RBFOX1: variants seen among roughly 807,000 people sequenced by gnomAD.
The protein encoded by RBFOX1 is RNA binding fox-1 homolog 1.
In RBFOX1, 8 loss-of-function variants were observed where a neutral mutation model predicts 57.7. That is an observed-to-expected ratio of 0.14 (90% CI 0.08 to 0.25). The LOEUF (loss-of-function observed/expected upper bound fraction) is 0.25, where lower values mean the gene tolerates loss of function less well. RBFOX1 is among the 10% of genes least tolerant of loss of function. The pLI, the probability that RBFOX1 is intolerant of heterozygous loss-of-function variation, is 1.00. For synonymous variants in RBFOX1, 326 were observed against 222.4 expected, an observed-to-expected ratio of 1.47 and a Z score of -4.15; for missense variants, 611 against 548.5, an observed-to-expected ratio of 1.11 and a Z score of -1.14.
chr16:7,701,242 G>A (rs1304131112), intron 14 of RBFOX1, among the ~76,000 whole-genome samples: 2 of 145,486 alleles, frequency 1.4e-5, no homozygotes, highest in South Asian at 2.1e-4. Context: ...TGGAGACTTT[G>A]CTGCATTTTT....
At chr16:6,457,446 C>G (rs199888827) in intron 2 of RBFOX1, among the ~76,000 whole-genome samples, 3 of 131,844 alleles carry the variant, frequency 2.3e-5, no homozygotes, top group Non-Finnish European at 5.0e-5. Context: ...AGTCCCCCCC[C>G]CCGCAATAGC....
intron 1 of RBFOX1, among the ~76,000 whole-genome samples, chr16:6,216,170 A>T (rs970347589): frequency 6.6e-6 from 1 of 152,162 alleles, no homozygotes; most frequent in Admixed American, 6.5e-5. Flanking sequence ...ATGAAAAATA[A>T]CTAATGGGTA....
At chr16:7,072,467 C>A (rs933274808) in intron 4 of RBFOX1, among the ~76,000 whole-genome samples, 2 of 152,148 alleles carry the variant, frequency 1.3e-5, no homozygotes, top group African/African-American at 4.8e-5. Flanking sequence ...TTGTTCTTAA[C>A]TCTACTCTCT....
chr16:6,719,528 C>T (rs1568342956), intron 3 of RBFOX1, among the ~76,000 whole-genome samples: 3 of 151,878 alleles, frequency 2.0e-5, no homozygotes, highest in South Asian at 4.2e-4. Flanking sequence ...GTTAGCTCCA[C>T]CTCCTGGGTT....
chr16:5,911,956 C>G (rs1460651163), intron 4 of RBFOX1, among the ~76,000 whole-genome samples: 2 of 152,122 alleles, frequency 1.3e-5, no homozygotes, highest in African/African-American at 2.4e-5. Flanking sequence ...AACATTCAGA[C>G]CTTAGTAGGC....
chr16:7,229,334 A>G (rs910001801), intron 4 of RBFOX1, among the ~76,000 whole-genome samples: 3 of 152,036 alleles, frequency 2.0e-5, no homozygotes, highest in Non-Finnish European at 2.9e-5. Context: ...ATGAAATGAA[A>G]CTGCTCGGCT....
At chr16:6,661,504 G>A (rs139193545) in intron 3 of RBFOX1, among the ~76,000 whole-genome samples, 2 of 152,196 alleles carry the variant, frequency 1.3e-5, no homozygotes, top group Non-Finnish European at 1.5e-5. Context: ...TCAATCCTCT[G>A]TCCCCACAGA....
chr16:7,488,772 G>A lies in RBFOX1; in HGVS notation c.28-29375G>A, dbSNP rs186395691. 1.3e-3 allele frequency among the ~76,000 whole-genome samples: 195 copies of A among 151,870 alleles called. 2 individuals carry two copies. Among genetic ancestry groups the A allele is most frequent in the Admixed American group, 4.3e-3 (65 of 15,260 alleles). The stretch of plus-strand genomic sequence containing the variant: ...TCTACCTATCACTTTATTTGTATAT[G>A]TATACATCTATCTATACATATCCAT... On this transcript the variant is annotated intron_variant, in intron 4 of 15. Coordinates refer to ENST00000550418, the MANE Select transcript of RBFOX1 (RefSeq NM_018723.4).
intron 4 of RBFOX1, among the ~76,000 whole-genome samples, chr16:5,969,298 CTTTTTTTTTTTTT>C (rs71142659): frequency 2.4e-4 from 20 of 83,750 alleles, no homozygotes; most frequent in South Asian, 5.1e-4. Context: ...TTCGGTTGTT[CTTTTTTTTTTTTT>C]TTTTTTTTTT....
intron 2 of RBFOX1, among the ~76,000 whole-genome samples, chr16:6,503,074 C>T (rs987163422): frequency 2.0e-5 from 3 of 152,070 alleles, no homozygotes; most frequent in African/African-American, 4.8e-5. Context: ...CATATGGATG[C>T]ATGGATATAT....
chr16:5,681,043 G>T (rs182217026), intron 3 of RBFOX1, among the ~76,000 whole-genome samples: 1 of 152,020 alleles, frequency 6.6e-6, no homozygotes, highest in East Asian at 1.9e-4. Context: ...TCTTAGATAA[G>T]ATGGCCAGAA....
chr16:7,358,488 T>G (rs976483845), intron 4 of RBFOX1, among the ~76,000 whole-genome samples: 1 of 152,210 alleles, frequency 6.6e-6, no homozygotes, highest in Non-Finnish European at 1.5e-5. Flanking sequence ...CGGCGCGATC[T>G]CAGCTCACTG....
At chr16:6,231,788 C>G (rs1384444105) in intron 1 of RBFOX1, among the ~76,000 whole-genome samples, 1 of 144,124 alleles carries the variant, frequency 6.9e-6, no homozygotes, top group Non-Finnish European at 1.5e-5. Flanking sequence ...ACAATGTTTT[C>G]TATGGCTTTT....
chr16:7,482,565 T>C (rs1470220936), intron 4 of RBFOX1, among the ~76,000 whole-genome samples: 1 of 146,330 alleles, frequency 6.8e-6, no homozygotes, highest in Non-Finnish European at 1.5e-5. Flanking sequence ...TTTTTTTTTT[T>C]TTTGGAAAGC....
intron 12 of RBFOX1, among the ~76,000 whole-genome samples, chr16:7,654,480 T>C (rs142930593): frequency 6.6e-6 from 1 of 152,334 alleles, no homozygotes; most frequent in Non-Finnish European, 1.5e-5. Context: ...GGAGTTAAGA[T>C]GCGTTGCAGT....
At chr16:5,472,355 C>G (rs754733943) in intron 2 of RBFOX1, among the ~76,000 whole-genome samples, 2 of 152,056 alleles carry the variant, frequency 1.3e-5, no homozygotes, top group Non-Finnish European at 2.9e-5. Flanking sequence ...CATTGTCCCC[C>G]CAACCCCCAT....
intron 4 of RBFOX1, among the ~76,000 whole-genome samples, chr16:7,443,573 C>A (rs1297776906): frequency 6.6e-6 from 1 of 152,046 alleles, no homozygotes; most frequent in Non-Finnish European, 1.5e-5. Flanking sequence ...ATTTCTGTGG[C>A]TCCTTGAAAC....
intron 1 of RBFOX1, among the ~76,000 whole-genome samples, chr16:5,390,663 T>G (rs1310076357): frequency 6.6e-6 from 1 of 152,142 alleles, no homozygotes; most frequent in African/African-American, 2.4e-5. Flanking sequence ...TCCCTCATCT[T>G]TGAAGGTGGC....
At chr16:5,639,431 A>T (rs1191465840) in intron 3 of RBFOX1, among the ~76,000 whole-genome samples, 1 of 152,204 alleles carries the variant, frequency 6.6e-6, no homozygotes, top group Non-Finnish European at 1.5e-5. Context: ...GAGGTTCAAC[A>T]GAAGTCTTGA....
Sources: gnomAD v4.1 joint callset for allele counts (sites outside exome capture counted in the v4.1 genomes callset) on GRCh38, gnomAD v4.1.1 for gene constraint, MANE v1.5 for transcripts, NCBI Gene and HGNC (gene_info 2026-07-23, HGNC 2026-07-21) for gene names.